The following UPB1 variants were observed in gnomAD, a reference collection of about 807,000 sequenced individuals.
UPB1 encodes beta-ureidopropionase 1, also known as beta-ureidopropionase.
A neutral mutation model predicts 49.1 loss-of-function variants in UPB1; 40 were observed. That is an observed-to-expected ratio of 0.81 (90% CI 0.63 to 1.06). The LOEUF is 1.06. UPB1 is among the 50% of genes least tolerant of loss of function. UPB1 has a pLI of 0.00. For synonymous variants in UPB1, 207 were observed against 198.2 expected (o/e 1.04, Z -0.38); for missense variants, 499 against 505.9 (o/e 0.99, Z 0.13).
At chr22:24,500,299 A>C (rs756981770) in intron 2 of UPB1, 21 bp downstream of exon 2, 1 of 1,613,434 alleles carries the variant, frequency 6.2e-7, no homozygotes, top group East Asian at 2.2e-5. Flanking sequence ...TTTTGACCAT[A>C]ATAAATACAC....
At chr22:24,508,835 C>T (rs143268042) in intron 3 of UPB1, among the ~76,000 whole-genome samples, 3 of 152,218 alleles carry the variant, frequency 2.0e-5, no homozygotes, top group Admixed American at 6.5e-5. Context: ...GAGCCAAGAT[C>T]GTGCCATTGC....
chr22:24,508,523 C>T (rs1601492574), intron 3 of UPB1, among the ~76,000 whole-genome samples: 2 of 151,536 alleles, frequency 1.3e-5, no homozygotes, highest in East Asian at 1.9e-4. Flanking sequence ...CGTGCCACTG[C>T]ACTCCAGCCT....
At chr22:24,504,585 T>G (rs538122947) in intron 3 of UPB1, among the ~76,000 whole-genome samples, 1 of 152,284 alleles carries the variant, frequency 6.6e-6, no homozygotes, top group South Asian at 2.1e-4. Context: ...TCTAGAAACT[T>G]GGGTTCTGAA....
At chr22:24,504,568 C>T (rs1038393748) in intron 3 of UPB1, among the ~76,000 whole-genome samples, 8 of 152,102 alleles carry the variant, frequency 5.3e-5, no homozygotes, top group Admixed American at 4.6e-4. Context: ...TCAGTGGGTT[C>T]TTTTAGTCTA....
chr22:24,511,612 A>ATTTTTTTTTTTTT (rs201206994), intron 4 of UPB1, among the ~76,000 whole-genome samples: 1 of 90,690 alleles, frequency 1.1e-5, no homozygotes, highest in Non-Finnish European at 2.4e-5. Flanking sequence ...ATATATATAT[A>ATTTTTTTTTTTTT]TATATATTTT....
intron 3 of UPB1, among the ~76,000 whole-genome samples, chr22:24,504,048 A>G (rs1489102210): frequency 1.3e-5 from 2 of 152,186 alleles, no homozygotes; most frequent in Non-Finnish European, 2.9e-5. Context: ...TTCACGTATG[A>G]GGGACCCCCT....
At chr22:24,523,839 C>T in intron 9 of UPB1, 66 bp downstream of exon 9, 1 of 1,609,526 alleles carries the variant, frequency 6.2e-7, no homozygotes, top group Non-Finnish European at 8.5e-7. Context: ...CTCTCAGGAA[C>T]TGCTGTTGCG....
intron 2 of UPB1, among the ~76,000 whole-genome samples, chr22:24,500,761 C>T (rs1031961992): frequency 1.3e-5 from 2 of 152,234 alleles, no homozygotes; most frequent in African/African-American, 2.4e-5. Flanking sequence ...TCGCTTATGA[C>T]CTCAGAGTTA....
intron 6 of UPB1, chr22:24,518,294 G>A (rs771833968): frequency 6.6e-6 from 1 of 152,196 alleles, no homozygotes; most frequent in Non-Finnish European, 1.5e-5. Flanking sequence ...TTATTGTACA[G>A]CCACTATAAA....
chr22:24,505,751 C>T (rs1025857087), intron 3 of UPB1, among the ~76,000 whole-genome samples: 6 of 152,108 alleles, frequency 3.9e-5, no homozygotes, highest in South Asian at 2.1e-4. Flanking sequence ...CTTGGTCTGT[C>T]ACCCAGGCTG....
intron 3 of UPB1, 103 bp downstream of exon 3, chr22:24,502,316 T>C: frequency 7.9e-7 from 1 of 1,265,648 alleles, no homozygotes; most frequent in East Asian, 2.3e-5. Flanking sequence ...GAATCTCCTT[T>C]GTTTCCTCAT....
rs2044002066 is a variant in UPB1 at position 24,502,030 on chromosome 22, G to A, written c.277-96G>A. The A allele has an allele frequency of 3.2e-6, 4 of 1,249,658 alleles. No homozygotes were observed. In the Admixed American group the frequency reaches 5.1e-5, roughly 16 times the overall value. 77.4% of individuals were successfully genotyped at this position (1,249,658 alleles called of 1,614,324 possible). ...CCACCCTACTCCTCATACCTGCCCA[G>A]GTGGGCATTGATTTTTCCATATGCA... On this transcript the variant is annotated intron_variant, in intron 2 of 9. Coordinates refer to ENST00000326010, the MANE Select transcript of UPB1 (RefSeq NM_016327.3).
intron 3 of UPB1, among the ~76,000 whole-genome samples, chr22:24,505,638 G>C (rs1231713362): frequency 6.6e-6 from 1 of 152,222 alleles, no homozygotes; most frequent in African/African-American, 2.4e-5. Flanking sequence ...GCCTTCTTCT[G>C]GGGTAGATGG....
intron 5 of UPB1, among the ~76,000 whole-genome samples, chr22:24,513,952 G>A (rs1010448327): frequency 2.0e-5 from 3 of 152,106 alleles, no homozygotes; most frequent in African/African-American, 7.2e-5. Flanking sequence ...TTGTGTGTCA[G>A]GTGGCAGTAG....
At position 24,511,618 on chromosome 22, in the gene UPB1, AT is replaced by A. The variant is rs386395041; in HGVS notation, c.459+788del. On this transcript the variant is annotated intron_variant, in intron 4 of 9. Transcript: ENST00000326010. ...GTGAATTATATATATATATATATAT[AT>A]TTTTTTTTTTTTGAGATGGAGTCTC... Among the ~76,000 whole-genome samples, 377 of 122,544 alleles carry A rather than the reference AT, an allele frequency of 3.1e-3. 2 individuals are homozygous for A. Among genetic ancestry groups the A allele is most frequent in the South Asian group, 0.016 (60 of 3,698 alleles). 80.4% of individuals were successfully genotyped at this position (122,544 alleles called of 152,430 possible).
At chr22:24,512,484 G>T (rs1487436437) in intron 4 of UPB1, among the ~76,000 whole-genome samples, 2 of 152,192 alleles carry the variant, frequency 1.3e-5, no homozygotes, top group Non-Finnish European at 2.9e-5. Context: ...TGATGCCAAA[G>T]AAATTTATTT....
intron 4 of UPB1, among the ~76,000 whole-genome samples, chr22:24,512,375 G>A (rs2044221490): frequency 1.3e-5 from 2 of 152,190 alleles, no homozygotes; most frequent in South Asian, 4.1e-4. Flanking sequence ...TAAGGCCAGA[G>A]ATCATGACAG....
intron 9 of UPB1, 124 bp downstream of exon 9, chr22:24,523,897 G>T: frequency 6.9e-7 from 1 of 1,441,336 alleles, no homozygotes; most frequent in Non-Finnish European, 9.6e-7. Flanking sequence ...TGAGGGCTCT[G>T]TGTGAGCTGA....
At chr22:24,522,057 G>A in intron 8 of UPB1, 29 bp downstream of exon 8, 1 of 1,612,648 alleles carries the variant, frequency 6.2e-7, no homozygotes, top group Non-Finnish European at 8.5e-7. Context: ...GGTGGCTGCA[G>A]TTGAGGAGTG....
Sources: allele counts gnomAD v4.1 joint callset (sites outside exome capture counted in the v4.1 genomes callset), GRCh38; gene constraint gnomAD v4.1.1; transcripts MANE v1.5; gene names NCBI Gene and HGNC (gene_info 2026-07-23, HGNC 2026-07-21).